Variants in WWOX observed in about 807,000 individuals in gnomAD.
The protein encoded by WWOX is WW domain-containing oxidoreductase.
WWOX carries 69 observed loss-of-function variants against 46.2 expected under a neutral mutation model. The observed-to-expected ratio is 1.49, with a 90% CI of 1.23 to 1.82. The LOEUF (loss-of-function observed/expected upper bound fraction) is 1.82. WWOX is among the 40% of genes most tolerant of loss of function. The pLI is 0.00. For missense variants in WWOX, 919 were observed against 542.6 expected, an observed-to-expected ratio of 1.69 and a Z score of -6.89; for synonymous variants, 359 against 202.6, an observed-to-expected ratio of 1.77 and a Z score of -6.56.
intron 8 of WWOX, among the ~76,000 whole-genome samples, chr16:79,058,911 T>A (rs1389254215): frequency 6.6e-6 from 1 of 152,246 alleles, no homozygotes; most frequent in African/African-American, 2.4e-5. Flanking sequence ...CCGTACACTT[T>A]GGACATGTCA....
At chr16:78,448,793 C>A (rs980410773) in intron 8 of WWOX, among the ~76,000 whole-genome samples, 8 of 152,136 alleles carry the variant, frequency 5.3e-5, no homozygotes, top group Non-Finnish European at 1.0e-4. Context: ...AGAGTGTTGC[C>A]TTCCTTTTTA....
At chr16:78,763,665 A>G (rs2049849993) in intron 8 of WWOX, among the ~76,000 whole-genome samples, 2 of 152,222 alleles carry the variant, frequency 1.3e-5, no homozygotes, top group African/African-American at 4.8e-5. Context: ...AGTGCCCTGA[A>G]CATATTAGGT....
chr16:78,828,433 C>G (rs2151154244), intron 8 of WWOX, among the ~76,000 whole-genome samples: 1 of 152,196 alleles, frequency 6.6e-6, no homozygotes, highest in East Asian at 1.9e-4. Context: ...ACCATCGTCA[C>G]CATCAGTGTT....
chr16:78,864,649 C>A (rs2043962793), intron 8 of WWOX, among the ~76,000 whole-genome samples: 1 of 151,536 alleles, frequency 6.6e-6, no homozygotes, highest in Non-Finnish European at 1.5e-5. Context: ...TCCCATTGGG[C>A]CCAGCTCTGA....
intron 8 of WWOX, among the ~76,000 whole-genome samples, chr16:78,987,350 G>A (rs1051361263): frequency 1.3e-5 from 2 of 152,158 alleles, no homozygotes; most frequent in Non-Finnish European, 2.9e-5. Flanking sequence ...GGGTAGGTTG[G>A]AATGTGTTTG....
chr16:79,182,125 A>G (rs1298393717), intron 8 of WWOX, among the ~76,000 whole-genome samples: 1 of 147,848 alleles, frequency 6.8e-6, no homozygotes, highest in African/African-American at 2.6e-5. Context: ...GAGACATTAG[A>G]GCATTACTTC....
At chr16:78,852,977 C>G (rs558437554) in intron 8 of WWOX, among the ~76,000 whole-genome samples, 168 of 152,254 alleles carry the variant, frequency 1.1e-3, no homozygotes, top group African/African-American at 3.9e-3. Flanking sequence ...CAATTTATAT[C>G]TTGCCCCCAC....
At chr16:78,492,932 C>T (rs991985667) in intron 8 of WWOX, among the ~76,000 whole-genome samples, 1 of 152,172 alleles carries the variant, frequency 6.6e-6, no homozygotes, top group Non-Finnish European at 1.5e-5. Flanking sequence ...CATCACTAAT[C>T]AATCAGTCAT....
intron 6 of WWOX, among the ~76,000 whole-genome samples, chr16:78,403,103 G>GA: frequency 6.6e-6 from 1 of 152,338 alleles, no homozygotes; most frequent in Non-Finnish European, 1.5e-5. Flanking sequence ...CAAAACAGAG[G>GA]AAAGAGTCGT....
intron 8 of WWOX, among the ~76,000 whole-genome samples, chr16:79,104,616 C>T (rs1390308861): frequency 6.6e-6 from 1 of 152,104 alleles, no homozygotes; most frequent in African/African-American, 2.4e-5. Flanking sequence ...CAGATAGATG[C>T]ACATATGTAT....
intron 8 of WWOX, among the ~76,000 whole-genome samples, chr16:78,878,500 A>G (rs1350710754): frequency 6.6e-6 from 1 of 152,214 alleles, no homozygotes; most frequent in African/African-American, 2.4e-5. Flanking sequence ...GAAATAACAC[A>G]TATAAAAGGC....
intron 6 of WWOX, among the ~76,000 whole-genome samples, chr16:78,403,132 A>G (rs1374004775): frequency 6.6e-6 from 1 of 152,248 alleles, no homozygotes; most frequent in Non-Finnish European, 1.5e-5. Flanking sequence ...AGGGAGATGT[A>G]CAAAATGCAT....
intron 8 of WWOX, among the ~76,000 whole-genome samples, chr16:79,127,407 C>T (rs972677989): frequency 3.3e-5 from 5 of 152,138 alleles, no homozygotes; most frequent in African/African-American, 1.2e-4. Flanking sequence ...GACAATATAT[C>T]TTAGAGATGG....
At chr16:78,155,992 T>C (rs1375787437) in intron 4 of WWOX, among the ~76,000 whole-genome samples, 1 of 152,246 alleles carries the variant, frequency 6.6e-6, no homozygotes, top group Non-Finnish European at 1.5e-5. Context: ...AGCCACGCTT[T>C]GTTTCTGTTC....
At chr16:79,207,050 A>G (rs1433957781) in intron 8 of WWOX, among the ~76,000 whole-genome samples, 1 of 151,978 alleles carries the variant, frequency 6.6e-6, no homozygotes, top group Non-Finnish European at 1.5e-5. Flanking sequence ...GTTCTGGGAG[A>G]GTGGTTATAG....
At chr16:78,600,084 C>G (rs1032238214) in intron 8 of WWOX, among the ~76,000 whole-genome samples, 2 of 152,050 alleles carry the variant, frequency 1.3e-5, no homozygotes, top group South Asian at 2.1e-4. Flanking sequence ...TGGCAGCAGG[C>G]AAAGAGTGAG....
intron 8 of WWOX, among the ~76,000 whole-genome samples, chr16:78,833,941 ATT>A (rs1252591150): frequency 6.6e-6 from 1 of 152,216 alleles, no homozygotes; most frequent in Non-Finnish European, 1.5e-5. Context: ...ACTGTGTCTT[ATT>A]CTGTGTTGCA....
At chr16:78,122,507 G>C (rs1027648230) in intron 4 of WWOX, among the ~76,000 whole-genome samples, 1 of 151,788 alleles carries the variant, frequency 6.6e-6, no homozygotes, top group Admixed American at 6.6e-5. Context: ...CTTGGAAATT[G>C]TTTTACTTAA....
intron 8 of WWOX, among the ~76,000 whole-genome samples, chr16:78,978,710 T>C (rs2151331091): frequency 6.6e-6 from 1 of 152,262 alleles, no homozygotes; most frequent in Non-Finnish European, 1.5e-5. Context: ...AGAGAGCGAC[T>C]GGGGAGGCGC....
Sources: gnomAD v4.1 joint callset for allele counts (sites outside exome capture counted in the v4.1 genomes callset) on GRCh38, gnomAD v4.1.1 for gene constraint, MANE v1.5 for transcripts, NCBI Gene and HGNC (gene_info 2026-07-23, HGNC 2026-07-21) for gene names.